PCDH15: variants seen among roughly 807,000 people sequenced by gnomAD.
PCDH15 encodes protocadherin related 15, also known as protocadherin-15.
PCDH15 carries 129 observed loss-of-function variants against 178.5 expected under a neutral mutation model. The ratio of observed to expected loss-of-function variants is 0.72; its 90% CI spans 0.63 to 0.84. The LOEUF (loss-of-function observed/expected upper bound fraction) is 0.84. PCDH15 is among the 40% of genes least tolerant of loss of function. The probability of loss-of-function intolerance (pLI) is 0.00; values close to 1 mark genes in which losing one functional copy is unlikely to be tolerated. For missense variants in PCDH15, 2,230 were observed against 2,099.9 expected, an observed-to-expected ratio of 1.06 and a Z score of -1.21; for synonymous variants, 800 against 732.0, an observed-to-expected ratio of 1.09 and a Z score of -1.50.
intron 2 of PCDH15, among the ~76,000 whole-genome samples, chr10:55,142,311 T>C (rs1243284649): frequency 2.6e-5 from 4 of 152,052 alleles, no homozygotes; most frequent in Non-Finnish European, 4.4e-5. Context: ...ATAACATTAA[T>C]AGTTTAGATT....
chr10:54,905,820 ACAAAAATTTCTCC>A (rs1954709748), intron 2 of PCDH15, among the ~76,000 whole-genome samples: 1 of 152,108 alleles, frequency 6.6e-6, no homozygotes, highest in African/African-American at 2.4e-5. Context: ...TGTCATGAAT[ACAAAAATTTCTCC>A]CTCTTAACAT....
At chr10:53,894,142 A>G (rs754359836) in intron 26 of PCDH15, among the ~76,000 whole-genome samples, 1 of 152,222 alleles carries the variant, frequency 6.6e-6, no homozygotes, top group East Asian at 1.9e-4. Context: ...ATGGGAAAAC[A>G]TAATGTCTGC....
At position 54,369,065 on chromosome 10, in the gene PCDH15, T is replaced by C; in HGVS notation, c.474+55A>G. 4 of 1,563,724 alleles carry C rather than the reference T, an allele frequency of 2.6e-6. No homozygotes were observed. In the South Asian group the frequency reaches 4.5e-5, roughly 17 times the overall value. The stretch of plus-strand genomic sequence containing the variant: ...ATCATTTATAAACATTTATTGTATA[T>C]AGTTAGATACATATATCAACAGAAA... On this transcript the variant is annotated intron_variant, in intron 5 of 37. Coordinates refer to ENST00000644397, the MANE Select transcript of PCDH15 (RefSeq NM_001384140.1).
intron 1 of PCDH15, among the ~76,000 whole-genome samples, chr10:55,233,824 A>G (rs754264338): frequency 2.0e-4 from 30 of 152,150 alleles, no homozygotes; most frequent in Non-Finnish European, 4.0e-4. Context: ...ACAATATACT[A>G]TAGTGCTTTG....
chr10:53,862,466 T>G (rs1248195065), intron 27 of PCDH15, among the ~76,000 whole-genome samples: 1 of 152,160 alleles, frequency 6.6e-6, no homozygotes, highest in African/African-American at 2.4e-5. Context: ...ACACACTTCA[T>G]TACACAATAT....
intron 1 of PCDH15, among the ~76,000 whole-genome samples, chr10:54,745,026 G>A (rs187618673): frequency 5.5e-4 from 84 of 152,012 alleles, no homozygotes; most frequent in African/African-American, 2.0e-3. Context: ...TATTTCATGC[G>A]TAACATATAT....
Position 54,945,827 on chromosome 10 carries a change from G to C in PCDH15, c.-79-48327C>G, listed in dbSNP as rs529660968. 1.7e-4 allele frequency among the ~76,000 whole-genome samples: 26 copies of C among 151,846 alleles called. No individual in the cohort carries two copies. In the South Asian group the frequency reaches 5.4e-3, roughly 31 times the overall value. Reference sequence around the variant, plus strand: ...ATGTCAGCAAGTATTGGGATCTGCAGATTTATTTTAAAGACTGGGTGAGTC... The same window carrying C: ...ATGTCAGCAAGTATTGGGATCTGCACATTTATTTTAAAGACTGGGTGAGTC... On this transcript the variant is annotated intron_variant, in intron 2 of 5. Transcript: ENST00000458638.
chr10:54,102,939 A>G lies in PCDH15; in HGVS notation c.1918-12876T>C, dbSNP rs188769802. On this transcript the variant is annotated intron_variant, in intron 15 of 37. Coordinates refer to ENST00000644397, the MANE Select transcript of PCDH15 (RefSeq NM_001384140.1). Reference sequence around the variant, plus strand: ...CGTCAGCTCAGAGCCAGTGTCCAGCAGTCCCCAAAATGACTGATAATTTCC... The same window carrying G: ...CGTCAGCTCAGAGCCAGTGTCCAGCGGTCCCCAAAATGACTGATAATTTCC... Among the ~76,000 whole-genome samples the G allele has an allele frequency of 1.9e-3, 283 of 152,340 alleles. 2 individuals carry two copies. Among genetic ancestry groups the G allele is most frequent in the African/African-American group, 6.6e-3 (275 of 41,570 alleles).
At chr10:54,006,361 CA>C (rs2092388060) in intron 20 of PCDH15, among the ~76,000 whole-genome samples, 1 of 152,122 alleles carries the variant, frequency 6.6e-6, no homozygotes, top group Non-Finnish European at 1.5e-5. Context: ...CCCAACAGAA[CA>C]ATTAGCAAGT....
At chr10:54,876,641 A>C (rs1315305375) in intron 3 of PCDH15, among the ~76,000 whole-genome samples, 2 of 152,194 alleles carry the variant, frequency 1.3e-5, no homozygotes, top group Non-Finnish European at 2.9e-5. Context: ...AAGTAACTGC[A>C]GATGTGGTAG....
intron 34 of PCDH15, 40 bp from the exon 35 acceptor site, chr10:53,816,317 A>T (rs1327074622): frequency 1.5e-5 from 6 of 398,542 alleles, no homozygotes; most frequent in African/African-American, 4.1e-5. Flanking sequence ...TTTAGAAAAT[A>T]ATTCAGATGG....
chr10:53,973,768 C>CATTG (rs1227205085), intron 21 of PCDH15, among the ~76,000 whole-genome samples: 1 of 152,062 alleles, frequency 6.6e-6, no homozygotes, highest in Non-Finnish European at 1.5e-5. Context: ...AAATCATAGC[C>CATTG]ATTGCTCCTT....
intron 13 of PCDH15, among the ~76,000 whole-genome samples, chr10:54,169,037 G>T (rs150717581): frequency 1.9e-4 from 29 of 152,250 alleles, no homozygotes; most frequent in African/African-American, 6.3e-4. Flanking sequence ...TACACATGCA[G>T]GAAATCTGGC....
intron 13 of PCDH15, among the ~76,000 whole-genome samples, chr10:54,170,365 T>C (rs1375243447): frequency 6.6e-6 from 1 of 152,032 alleles, no homozygotes; most frequent in African/African-American, 2.4e-5. Flanking sequence ...CCAAACAACT[T>C]GACCTTACTG....
intron 2 of PCDH15, among the ~76,000 whole-genome samples, chr10:55,603,259 T>G (rs61851735): frequency 5.9e-5 from 9 of 151,412 alleles, no homozygotes; most frequent in South Asian, 4.2e-4. Flanking sequence ...TGACCAAATC[T>G]ACGTCTGATT....
chr10:54,409,095 C>T (rs1240664499), intron 3 of PCDH15, among the ~76,000 whole-genome samples: 2 of 152,158 alleles, frequency 1.3e-5, no homozygotes, highest in Admixed American at 1.3e-4. Context: ...CCCCTTTCAC[C>T]TGGCTCTCAT....
intron 1 of PCDH15, among the ~76,000 whole-genome samples, chr10:54,773,868 A>G (rs1351038589): frequency 6.6e-6 from 1 of 152,136 alleles, no homozygotes; most frequent in African/African-American, 2.4e-5. Flanking sequence ...ATCATACAAT[A>G]AAAATGAACT....
At chr10:54,540,179 T>G (rs1438865500) in intron 2 of PCDH15, among the ~76,000 whole-genome samples, 3 of 152,002 alleles carry the variant, frequency 2.0e-5, no homozygotes, top group African/African-American at 7.2e-5. Flanking sequence ...AATTGAGGCA[T>G]AAAAATCCAT....
At chr10:55,588,982 G>A (rs1168436596) in intron 2 of PCDH15, among the ~76,000 whole-genome samples, 1 of 151,124 alleles carries the variant, frequency 6.6e-6, no homozygotes, top group Admixed American at 6.6e-5. Context: ...TCGGGAGGCT[G>A]AGGCAGGAGA....
Sources: gnomAD v4.1 joint callset for allele counts (sites outside exome capture counted in the v4.1 genomes callset) on GRCh38, gnomAD v4.1.1 for gene constraint, MANE v1.5 for transcripts, NCBI Gene and HGNC (gene_info 2026-07-23, HGNC 2026-07-21) for gene names.